The following KCTD1 variants were observed in gnomAD, a reference collection of about 807,000 sequenced individuals.
The protein encoded by KCTD1 is BTB/POZ domain-containing protein KCTD1.
In KCTD1, 24 loss-of-function variants were observed where a neutral mutation model predicts 66.0. The ratio of observed to expected loss-of-function variants is 0.36; its 90% confidence interval spans 0.26 to 0.51. The LOEUF is 0.51. KCTD1 is among the 20% of genes least tolerant of loss of function. The pLI is 0.95. For synonymous variants in KCTD1, 511 were observed against 517.2 expected (o/e 0.99, Z 0.16); for missense variants, 943 against 1,205.2 (o/e 0.78, Z 3.22).
chr18:26,529,525 GCT>G (rs1243229060), intron 1 of KCTD1, among the ~76,000 whole-genome samples: 1 of 152,046 alleles, frequency 6.6e-6, no homozygotes, highest in Non-Finnish European at 1.5e-5. Flanking sequence ...TCTCTCTGTT[GCT>G]CTCTCTGCAC....
chr18:26,473,726 G>A (rs1981195230), intron 3 of KCTD1, among the ~76,000 whole-genome samples: 1 of 152,136 alleles, frequency 6.6e-6, no homozygotes, highest in Non-Finnish European at 1.5e-5. Flanking sequence ...CTGGAATCAA[G>A]CTCAGTGCGG....
chr18:26,557,575 C>T (rs1355589851), intron 1 of KCTD1, among the ~76,000 whole-genome samples: 2 of 152,204 alleles, frequency 1.3e-5, no homozygotes, highest in African/African-American at 4.8e-5. Flanking sequence ...GATTTAGCAG[C>T]TCTTGAGTGT....
At chr18:26,461,833 C>T (rs553769834) in intron 3 of KCTD1, among the ~76,000 whole-genome samples, 19 of 152,168 alleles carry the variant, frequency 1.2e-4, no homozygotes, top group Admixed American at 3.9e-4. Context: ...AATATCTTAT[C>T]GGCTGGGCGT....
intron 2 of KCTD1, among the ~76,000 whole-genome samples, chr18:26,479,175 C>T (rs543502916): frequency 2.6e-5 from 4 of 152,322 alleles, no homozygotes; most frequent in South Asian, 2.1e-4. Context: ...CAGAGCTGGC[C>T]CCACGAATAA....
At chr18:26,501,984 T>A (rs768941648) in intron 1 of KCTD1, among the ~76,000 whole-genome samples, 4 of 152,260 alleles carry the variant, frequency 2.6e-5, no homozygotes, top group Non-Finnish European at 5.9e-5. Context: ...AAAGGTGCAA[T>A]GTGAGCAAAC....
intron 1 of KCTD1, among the ~76,000 whole-genome samples, chr18:26,560,751 T>G (rs1985827977): frequency 6.6e-6 from 1 of 152,236 alleles, no homozygotes; most frequent in South Asian, 2.1e-4. Context: ...ATCCATAGCT[T>G]TCAACATCTT....
chr18:26,583,555 T>C (rs1033823836), intron 1 of KCTD1, among the ~76,000 whole-genome samples: 1 of 152,178 alleles, frequency 6.6e-6, no homozygotes, highest in African/African-American at 2.4e-5. Flanking sequence ...CATTATTCTA[T>C]GCAAATGGTA....
rs764747028 is a variant in KCTD1 at position 26,455,766 on chromosome 18, T to G, written c.2575A>C (p.Ile859Leu). 1 of 1,614,226 alleles carries G rather than the reference T, an allele frequency of 6.2e-7. No individual in the cohort carries two copies. The highest frequency in any genetic ancestry group is 1.1e-5 in the South Asian group (1 of 91,074). ...RTPRVPSVIR[I>L]KQEPLD ...ATTTAGTCCAGAGGCTCTTGCTTTATCCGGATGACGGAGGGTACACGGGGC... is the reference window on the plus strand; with the variant it reads ...ATTTAGTCCAGAGGCTCTTGCTTTAGCCGGATGACGGAGGGTACACGGGGC... The change falls in exon 5 of 5, where the codon ATA becomes CTA. Residue 859 changes from isoleucine to leucine, a missense_variant. By Grantham distance (5) the Ile-to-Leu change is conservative (BLOSUM62 2). Coordinates refer to ENST00000580059, the MANE Select transcript of KCTD1 (RefSeq NM_001142730.3).
chr18:26,548,697 G>C (rs1985403419), upstream of KCTD1: 1 of 999,728 alleles, frequency 1.0e-6, no homozygotes, highest in African/African-American at 1.7e-5. Flanking sequence ...GCTCCGGAGG[G>C]GCAGCGGCGC....
chr18:26,622,990 A>G (rs181758716), intron 1 of KCTD1, among the ~76,000 whole-genome samples: 19 of 152,302 alleles, frequency 1.2e-4, no homozygotes, highest in East Asian at 9.7e-4. Flanking sequence ...CATCATCTAT[A>G]TGCAATCAGC....
At chr18:26,500,446 T>A (rs1982701603) in intron 2 of KCTD1, among the ~76,000 whole-genome samples, 1 of 151,654 alleles carries the variant, frequency 6.6e-6, no homozygotes, top group Non-Finnish European at 1.5e-5. Flanking sequence ...ATAAAAAAAA[T>A]GGGTGGGCAG....
chr18:26,491,494 T>G (rs780708833), intron 2 of KCTD1, among the ~76,000 whole-genome samples: 20 of 152,214 alleles, frequency 1.3e-4, no homozygotes, highest in Non-Finnish European at 2.4e-4. Flanking sequence ...ACTGGACATG[T>G]GGGCCTGAAA....
At chr18:26,567,933 A>C (rs1986020821) in intron 1 of KCTD1, among the ~76,000 whole-genome samples, 1 of 152,234 alleles carries the variant, frequency 6.6e-6, no homozygotes, top group South Asian at 2.1e-4. Flanking sequence ...CAATGAAATT[A>C]TATTTTTCAG....
At chr18:26,624,662 A>G (rs1473802557) in intron 1 of KCTD1, among the ~76,000 whole-genome samples, 11 of 152,220 alleles carry the variant, frequency 7.2e-5, no homozygotes, top group Admixed American at 7.2e-4. Flanking sequence ...CGGAGCCTTC[A>G]TGGAGAATTT....
chr18:26,483,459 G>C (rs1159871344), intron 2 of KCTD1, among the ~76,000 whole-genome samples: 1 of 151,676 alleles, frequency 6.6e-6, no homozygotes, highest in Non-Finnish European at 1.5e-5. Flanking sequence ...GGTAGAGTTG[G>C]GGTTTCACCA....
Position 26,547,340 on chromosome 18 carries a change from G to A in KCTD1, c.1197C>T (p.Asn399=). The part of the protein sequence containing the change: ...ASFVKYLSKR[N]PLCKAFFQRP... ...GCTGGAAGAACGCCTTGCAGAGAGGGTTGCGTTTCGACAGGTACTTGACGA... is the reference window on the plus strand; with the variant it reads ...GCTGGAAGAACGCCTTGCAGAGAGGATTGCGTTTCGACAGGTACTTGACGA... Residue 399 remains asparagine (N), a synonymous_variant, in exon 1 of 5, where the codon AAC becomes AAT. Transcript: ENST00000580059. 4.5e-6 allele frequency: 7 copies of A among 1,551,580 alleles called. No individual in the cohort carries two copies. The highest frequency in any genetic ancestry group is 5.2e-6 in the Non-Finnish European group (6 of 1,146,892).
At chr18:26,587,181 T>C (rs1247148321) in intron 1 of KCTD1, among the ~76,000 whole-genome samples, 1 of 152,252 alleles carries the variant, frequency 6.6e-6, no homozygotes, top group Non-Finnish European at 1.5e-5. Context: ...AAGCCAGTGC[T>C]CATTTATAAC....
intron 1 of KCTD1, among the ~76,000 whole-genome samples, chr18:26,522,604 C>G (rs1983966022): frequency 6.6e-6 from 1 of 152,182 alleles, no homozygotes; most frequent in South Asian, 2.1e-4. Context: ...TTAGACACTT[C>G]AACCAACTGT....
intron 1 of KCTD1, among the ~76,000 whole-genome samples, chr18:26,656,718 G>T (rs1357978343): frequency 1.3e-5 from 2 of 151,466 alleles, no homozygotes; most frequent in Non-Finnish European, 3.0e-5. Context: ...AGGGGGCGGC[G>T]GGGCCCCTAC....
Sources: gnomAD v4.1 joint callset for allele counts (sites outside exome capture counted in the v4.1 genomes callset) on GRCh38, gnomAD v4.1.1 for gene constraint, MANE v1.5 for transcripts, NCBI Gene and HGNC (gene_info 2026-07-23, HGNC 2026-07-21) for gene names.